DOCK11: variants seen among roughly 807,000 people sequenced by gnomAD.
DOCK11 encodes dedicator of cytokinesis 11.
Under a neutral mutation model 169.1 loss-of-function variants are expected in DOCK11, and 70 were observed. The observed-to-expected ratio is 0.41, with a 90% CI of 0.34 to 0.51. The LOEUF (loss-of-function observed/expected upper bound fraction) is 0.51. DOCK11 is among the 20% of genes least tolerant of loss of function. The pLI is 0.10. For synonymous variants in DOCK11, 529 were observed against 541.3 expected, an observed-to-expected ratio of 0.98 and a Z score of 0.32; for missense variants, 1,166 against 1,538.8, an observed-to-expected ratio of 0.76 and a Z score of 4.05.
intron 6 of DOCK11, among the ~76,000 whole-genome samples, chrX:118,547,827 G>T (rs1028359008): frequency 3.6e-5 from 4 of 112,489 alleles, no homozygotes; most frequent in African/African-American, 1.3e-4. Flanking sequence ...ACATTTCTGT[G>T]TGGATTATCA....
At position 118,608,152 on chromosome X, in the gene DOCK11, TAA is replaced by T; in HGVS notation, c.2751+13_2751+14del. ...AGATCATTCATAAAGGTTTGTGGAGTAAAGTTTCTTTCTGAGCAATTTGTTTT... is the reference window on the plus strand; with the variant it reads ...AGATCATTCATAAAGGTTTGTGGAGTAGTTTCTTTCTGAGCAATTTGTTTT... On this transcript the variant is annotated intron_variant, in intron 25 of 52. Transcript: ENST00000276202. The T allele has an allele frequency of 8.4e-7, 1 of 1,195,981 alleles. No individual in the cohort carries two copies. The highest frequency in any genetic ancestry group is 1.1e-6 in the Non-Finnish European group (1 of 888,937).
intron 1 of DOCK11, 32 bp from the exon 2 acceptor site, chrX:118,542,693 T>A: frequency 9.7e-7 from 1 of 1,027,252 alleles, no homozygotes; most frequent in Non-Finnish European, 1.4e-6. Flanking sequence ...GTGAGTTTGA[T>A]CATAATAACT....
At chrX:118,524,848 T>C (rs1003482411) in intron 1 of DOCK11, among the ~76,000 whole-genome samples, 4 of 111,361 alleles carry the variant, frequency 3.6e-5, no homozygotes, top group Admixed American at 1.9e-4. Context: ...AAGTTAAATA[T>C]AGAATTACCA....
intron 10 of DOCK11, among the ~76,000 whole-genome samples, chrX:118,570,527 A>G (rs1283740642): frequency 1.8e-5 from 2 of 112,599 alleles, no homozygotes; most frequent in Non-Finnish European, 3.8e-5. Flanking sequence ...GAAGAAGTCA[A>G]GCTTTCAGGC....
At chrX:118,496,891 G>A (rs755535152) in intron 1 of DOCK11, among the ~76,000 whole-genome samples, 2 of 111,316 alleles carry the variant, frequency 1.8e-5, no homozygotes, top group African/African-American at 6.5e-5. Context: ...CTCAGGACTG[G>A]GGGATGGGGA....
intron 42 of DOCK11, among the ~76,000 whole-genome samples, chrX:118,652,436 A>T (rs748940648): frequency 1.6e-4 from 18 of 111,660 alleles, no homozygotes; most frequent in African/African-American, 5.2e-4. Flanking sequence ...AATATTGGTT[A>T]AAAAAGCACT....
At chrX:118,524,448 C>T (rs1463389921) in intron 1 of DOCK11, among the ~76,000 whole-genome samples, 1 of 111,436 alleles carries the variant, frequency 9.0e-6, no homozygotes, top group Non-Finnish European at 1.9e-5. Flanking sequence ...AGTAAAAAGG[C>T]AACCCACAGA....
At chrX:118,538,004 C>T (rs935770306) in intron 1 of DOCK11, among the ~76,000 whole-genome samples, 13 of 112,146 alleles carry the variant, frequency 1.2e-4, no homozygotes, top group African/African-American at 3.6e-4. Context: ...CTGCATCCCA[C>T]ACCATGGTAC....
Position 118,516,092 on chromosome X carries a change from T to C in DOCK11, c.102+20019T>C, listed in dbSNP as rs1344325413. 6.9e-4 allele frequency among the ~76,000 whole-genome samples: 58 copies of C among 84,266 alleles called. 1 individual carries two copies. Among genetic ancestry groups the C allele is most frequent in the Middle Eastern group, 5.1e-3 (1 of 196 alleles). The allele number at this position is 84,266 out of a possible 115,157, so 73.2% of individuals were successfully genotyped here. On this transcript the variant is annotated intron_variant, in intron 1 of 52. Transcript: ENST00000276202. ...TTTCTTTTTTCTTTTCTTTTCTTTT[T>C]CTTTTTTTTTTTTTTTTTGTGATGG...
rs2016850401 is a variant in DOCK11 at position 118,686,022 on chromosome X, G to T, written c.*215G>T. ...CTGTGCTTGGTTTGTACTTTTTTAGGTAAATCTATATGCTGAAAAGTAGAG... is the reference window on the plus strand; with the variant it reads ...CTGTGCTTGGTTTGTACTTTTTTAGTTAAATCTATATGCTGAAAAGTAGAG... On this transcript the variant is annotated 3_prime_UTR_variant, in exon 53 of 53. Coordinates refer to ENST00000276202, the MANE Select transcript of DOCK11 (RefSeq NM_144658.4). 3.7e-5 allele frequency: 13 copies of T among 355,413 alleles called. No individual in the cohort carries two copies. Among genetic ancestry groups the T allele is most frequent in the Non-Finnish European group, 6.1e-5 (13 of 213,621 alleles). 29.3% of individuals were successfully genotyped at this position (355,413 alleles called of 1,213,427 possible).
intron 1 of DOCK11, among the ~76,000 whole-genome samples, chrX:118,515,233 C>T (rs2057674955): frequency 1.8e-5 from 2 of 111,928 alleles, no homozygotes; most frequent in African/African-American, 6.5e-5. Context: ...TAATTTATTT[C>T]ATTTTGTTTT....
chrX:118,496,956 C>T (rs748838389), intron 1 of DOCK11, among the ~76,000 whole-genome samples: 2 of 112,145 alleles, frequency 1.8e-5, no homozygotes, highest in African/African-American at 6.5e-5. Context: ...CAGCCTTATC[C>T]AGATTGTCTG....
chrX:118,573,333 G>C (rs1335015087), intron 11 of DOCK11, among the ~76,000 whole-genome samples: 1 of 112,342 alleles, frequency 8.9e-6, no homozygotes, highest in African/African-American at 3.2e-5. Flanking sequence ...TTCCAAAATT[G>C]CTGATAGGGC....
intron 1 of DOCK11, among the ~76,000 whole-genome samples, chrX:118,516,004 A>AATATATATATATTTATATATGTATATAT (rs1556229814): frequency 2.2e-5 from 1 of 44,954 alleles, no homozygotes; most frequent in Non-Finnish European, 3.5e-5. Context: ...GATTTGGGCA[A>AATATATATATATTTATATATGTATATAT]ATATATATAT....
chrX:118,591,746 A>T (rs1603096356), intron 19 of DOCK11, among the ~76,000 whole-genome samples: 1 of 90,384 alleles, frequency 1.1e-5, no homozygotes. Context: ...CTCGTCATTT[A>T]GCATTAGGTA....
At chrX:118,511,317 C>T (rs747511654) in intron 1 of DOCK11, among the ~76,000 whole-genome samples, 6 of 111,560 alleles carry the variant, frequency 5.4e-5, no homozygotes, top group Non-Finnish European at 9.4e-5. Flanking sequence ...TTTTTTTCCT[C>T]CTCAATAGGA....
intron 40 of DOCK11, among the ~76,000 whole-genome samples, chrX:118,648,021 A>ATATATT (rs2015810262): frequency 1.0e-4 from 3 of 29,645 alleles, no homozygotes; most frequent in Non-Finnish European, 1.6e-4. Context: ...ATATAATATA[A>ATATATT]ATTATAATAT....
chrX:118,618,203 A>G (rs1305105592), intron 30 of DOCK11, among the ~76,000 whole-genome samples: 2 of 112,173 alleles, frequency 1.8e-5, no homozygotes, highest in Non-Finnish European at 3.8e-5. Context: ...CTCTTCAGCT[A>G]TAAAGAAATC....
intron 44 of DOCK11, among the ~76,000 whole-genome samples, chrX:118,661,989 T>A (rs902405722): frequency 4.4e-5 from 5 of 112,379 alleles, no homozygotes; most frequent in Non-Finnish European, 9.4e-5. Context: ...CTAGGCTCCA[T>A]TCTAAACACT....
Sources: allele counts gnomAD v4.1 joint callset (sites outside exome capture counted in the v4.1 genomes callset), GRCh38; gene constraint gnomAD v4.1.1; transcripts MANE v1.5; gene names NCBI Gene and HGNC (gene_info 2026-07-23, HGNC 2026-07-21).